The following DZIP3 variants were observed in gnomAD, a reference collection of about 807,000 sequenced individuals.
DZIP3 encodes the protein DAZ interacting zinc finger protein 3.
Under a neutral mutation model 162.0 loss-of-function variants are expected in DZIP3, and 118 were observed. That is an observed-to-expected ratio of 0.73 (90% CI 0.63 to 0.85). The LOEUF (loss-of-function observed/expected upper bound fraction) is 0.85, where lower values mean the gene tolerates loss of function less well. DZIP3 is among the 40% of genes least tolerant of loss of function. The probability of loss-of-function intolerance (pLI) is 0.00; values close to 1 mark genes in which losing one functional copy is unlikely to be tolerated. For synonymous variants in DZIP3, 438 were observed against 458.6 expected, an observed-to-expected ratio of 0.96 and a Z score of 0.57; for missense variants, 1,331 against 1,407.0, an observed-to-expected ratio of 0.95 and a Z score of 0.86.
At chr3:108,655,520 A>T (rs1273433913) in intron 19 of DZIP3, among the ~76,000 whole-genome samples, 2 of 152,138 alleles carry the variant, frequency 1.3e-5, no homozygotes, top group Non-Finnish European at 2.9e-5. Context: ...TGGGGGGTGG[A>T]GCCAAGATGG....
rs144334111 is a variant in DZIP3, at chr3:108,654,907, C to G, written c.2199+597C>G. Among the ~76,000 whole-genome samples the G allele has an allele frequency of 4.7e-3, 721 of 152,250 alleles. 5 individuals are homozygous for G. The highest frequency in any genetic ancestry group is 0.017 in the African/African-American group (688 of 41,548). On this transcript the variant is annotated intron_variant, in intron 19 of 32. Coordinates refer to ENST00000361582, the MANE Select transcript of DZIP3 (RefSeq NM_014648.4). ...AATGAGAATTCAGTGATAACCTGCT[C>G]TGCTGTTTAAATATAGTGGTATGTA... is the stretch of plus-strand genomic sequence containing the variant.
intron 17 of DZIP3, among the ~76,000 whole-genome samples, chr3:108,650,781 A>C (rs566096783): frequency 6.6e-6 from 1 of 151,712 alleles, no homozygotes; most frequent in African/African-American, 2.4e-5. Context: ...CAGCCCCAAT[A>C]CTCACCTCTA....
intron 15 of DZIP3, 56 bp downstream of exon 15, chr3:108,646,705 GA>G: frequency 8.0e-7 from 1 of 1,257,358 alleles, no homozygotes; most frequent in South Asian, 1.4e-5. Context: ...GGATACCTAT[GA>G]AATTTTTATT....
upstream of DZIP3, chr3:108,589,539 C>T (rs113830459): frequency 0.016 from 8,222 of 510,996 alleles, 606 homozygotes; most frequent in African/African-American, 0.15. Flanking sequence ...GGACCGTTCT[C>T]GGTGACGGCC....
In DZIP3 at chr3:108,642,530, T is replaced by C. The variant is rs1477747782; in HGVS notation, c.1141+16T>C. 1.4e-6 allele frequency: 2 copies of C among 1,439,516 alleles called. No individual in the cohort carries two copies. The highest frequency in any genetic ancestry group is 2.9e-5 in the African/African-American group (2 of 69,242). 89.2% of individuals were successfully genotyped at this position (1,439,516 alleles called of 1,614,324 possible). A position where few individuals can be genotyped will look rare whatever the true frequency, so the allele number is the denominator to read the frequency against. ...AATACAAAAGGTATTATTTTATTTTTATATGCCTTCTGTTGAAAAGTATGT... is the reference window on the plus strand; with the variant it reads ...AATACAAAAGGTATTATTTTATTTTCATATGCCTTCTGTTGAAAAGTATGT... On this transcript the variant is annotated intron_variant, in intron 13 of 32. Transcript: ENST00000361582.
In DZIP3 at chr3:108,597,609, A is replaced by C. The variant is rs576890025; in HGVS notation, c.-72-7726A>C. Among the ~76,000 whole-genome samples, 11 of 152,270 alleles carry C rather than the reference A, an allele frequency of 7.2e-5. No individual in the cohort carries two copies. In the South Asian group the frequency reaches 1.2e-3, roughly 17 times the overall value. ...TAAATTTCTGGTCTTTCAGAAAATA[A>C]ATACTATCAGGCTTATGAAATGAGT... On this transcript the variant is annotated intron_variant, in intron 1 of 32. Transcript: ENST00000361582.
At position 108,659,960 on chromosome 3, in the gene DZIP3, T is replaced by A. The variant is rs542511756; in HGVS notation, c.2200-1917T>A. On this transcript the variant is annotated intron_variant, in intron 19 of 32. Transcript: ENST00000361582. ...TGTGAAGGACCTCTTCAAGGAGAAC[T>A]ACAAACCACTGCTCAACAAAATAAA... Among the ~76,000 whole-genome samples the A allele has an allele frequency of 2.8e-3, 428 of 152,142 alleles. 2 individuals carry two copies. Among genetic ancestry groups the A allele is most frequent in the African/African-American group, 9.6e-3 (400 of 41,466 alleles).
intron 19 of DZIP3, among the ~76,000 whole-genome samples, chr3:108,660,879 A>G (rs1185294632): frequency 2.6e-5 from 4 of 152,238 alleles, no homozygotes; most frequent in African/African-American, 7.2e-5. Flanking sequence ...AAGACAGATG[A>G]AAAAATACTC....
At chr3:108,649,600 T>C (rs1942776689) in intron 17 of DZIP3, among the ~76,000 whole-genome samples, 1 of 151,838 alleles carries the variant, frequency 6.6e-6, no homozygotes, top group African/African-American at 2.4e-5. Context: ...AAAATTGTTT[T>C]CTAGCCTGAA....
chr3:108,684,333 G>C lies in DZIP3; in HGVS notation c.3001G>C (p.Ala1001Pro), dbSNP rs1944424891. ...GVVSATGQPRAPLMTGIAWAL... is the reference protein window; with the variant it reads ...GVVSATGQPRPPLMTGIAWAL... ...CGTCTCTGCAACTGGCCAACCTAGA[G>C]CCCCCCTGGTAAAAGCTTTCTTGGT... is the stretch of plus-strand genomic sequence containing the variant. The change falls in exon 27 of 33, where the codon GCC becomes CCC. Residue 1001 changes from alanine to proline, a missense_variant. Physicochemically the swap from Ala to Pro is conservative, Grantham distance 27. Coordinates refer to ENST00000361582, the MANE Select transcript of DZIP3 (RefSeq NM_014648.4). The C allele has an allele frequency of 3.7e-6, 6 of 1,610,166 alleles. No individual in the cohort carries two copies. The highest frequency in any genetic ancestry group is 5.1e-6 in the Non-Finnish European group (6 of 1,178,466).
chr3:108,631,538 G>C (rs1941885280), intron 8 of DZIP3, among the ~76,000 whole-genome samples: 1 of 144,614 alleles, frequency 6.9e-6, no homozygotes, highest in Non-Finnish European at 1.5e-5. Context: ...CACTGCACTT[G>C]GCTAATTTTT....
chr3:108,597,741 T>C (rs1304629715), intron 1 of DZIP3, among the ~76,000 whole-genome samples: 1 of 152,220 alleles, frequency 6.6e-6, no homozygotes, highest in Non-Finnish European at 1.5e-5. Flanking sequence ...CATTGAGGTG[T>C]GGGAACAAAT....
chr3:108,622,856 CTCTCT>C (rs1941420061), intron 5 of DZIP3, among the ~76,000 whole-genome samples: 1 of 106,926 alleles, frequency 9.4e-6, no homozygotes, highest in African/African-American at 3.8e-5. Flanking sequence ...CTCTCTCTCT[CTCTCT>C]CTCTCTCTCT....
chr3:108,685,185 A>G (rs1035791392), intron 27 of DZIP3, among the ~76,000 whole-genome samples: 17 of 152,200 alleles, frequency 1.1e-4, no homozygotes, highest in Non-Finnish European at 2.2e-4. Context: ...TAAGTAACAC[A>G]TCTTTTTACT....
At chr3:108,590,412 A>G (rs957335901) in intron 1 of DZIP3, among the ~76,000 whole-genome samples, 1 of 152,238 alleles carries the variant, frequency 6.6e-6, no homozygotes, top group African/African-American at 2.4e-5. Context: ...TTTTGAAGAC[A>G]GGTTTGGTGT....
chr3:108,616,157 A>G (rs1476171225), intron 4 of DZIP3, among the ~76,000 whole-genome samples: 2 of 151,978 alleles, frequency 1.3e-5, no homozygotes, highest in East Asian at 3.9e-4. Context: ...CCAGATACTC[A>G]GGAGGCTGAG....
chr3:108,592,271 TA>T (rs1382282264), intron 1 of DZIP3, among the ~76,000 whole-genome samples: 1 of 152,020 alleles, frequency 6.6e-6, no homozygotes, highest in Non-Finnish European at 1.5e-5. Context: ...ATATATGAAG[TA>T]AAATAGGTAG....
Position 108,609,987 on chromosome 3 carries a change from A to G in DZIP3, c.103-1187A>G, listed in dbSNP as rs181122844. ...AGTTTGAATTATATGCACTACTGAT[A>G]TTGGTCATTCTTTATAAGGGGTTTT... On this transcript the variant is annotated intron_variant, in intron 3 of 32. Transcript: ENST00000361582. Among the ~76,000 whole-genome samples the G allele has an allele frequency of 1.1e-4, 17 of 152,286 alleles. No homozygotes were observed. In the East Asian group the frequency reaches 3.3e-3, roughly 29 times the overall value.
At chr3:108,681,646 C>T (rs532354282) in intron 26 of DZIP3, among the ~76,000 whole-genome samples, 3 of 152,092 alleles carry the variant, frequency 2.0e-5, no homozygotes, top group African/African-American at 7.2e-5. Context: ...TTTATTGCAG[C>T]CCTGTTCACA....
Sources: allele counts gnomAD v4.1 joint callset (sites outside exome capture counted in the v4.1 genomes callset), GRCh38; gene constraint gnomAD v4.1.1; transcripts MANE v1.5; gene names NCBI Gene and HGNC (gene_info 2026-07-23, HGNC 2026-07-21).